ABHD12: variants seen among roughly 807,000 people sequenced by gnomAD.
ABHD12 encodes abhydrolase domain containing 12, lysophospholipase.
ABHD12 carries 43 observed loss-of-function variants against 58.3 expected under a neutral mutation model. The ratio of observed to expected loss-of-function variants is 0.74; its 90% CI spans 0.58 to 0.95. The LOEUF (loss-of-function observed/expected upper bound fraction) is 0.95. Ranked by LOEUF, ABHD12 falls within the 40% of genes least tolerant of loss-of-function variation. The probability of loss-of-function intolerance (pLI) is 0.00; values close to 1 mark genes in which losing one functional copy is unlikely to be tolerated. For missense variants in ABHD12, 539 were observed against 537.2 expected, an observed-to-expected ratio of 1.00 and a Z score of -0.03; for synonymous variants, 219 against 211.2, an observed-to-expected ratio of 1.04 and a Z score of -0.32.
intron 2 of ABHD12, among the ~76,000 whole-genome samples, chr20:25,330,487 C>T (rs2089253681): frequency 6.6e-6 from 1 of 152,250 alleles, no homozygotes; most frequent in Non-Finnish European, 1.5e-5. Flanking sequence ...CTGCCTGCCT[C>T]TGTAGGCTCC....
At position 25,306,827 on chromosome 20, in the gene ABHD12, A is replaced by G; in HGVS notation, c.950+6T>C. ...GGAAAATTAGTTCCTGTCCCATAAT[A>G]CTCACTTTTCATCATTTGCAAATTT... On this transcript the variant is annotated splice_donor_region_variant and intron_variant, in intron 10 of 12. Coordinates refer to ENST00000339157, the MANE Select transcript of ABHD12 (RefSeq NM_001042472.3). 6.4e-7 allele frequency: 1 copy of G among 1,562,952 alleles called. No individual in the cohort carries two copies. Among genetic ancestry groups the G allele is most frequent in the Non-Finnish European group, 8.8e-7 (1 of 1,134,182 alleles).
At chr20:25,366,330 C>T (rs2089820678) in intron 1 of ABHD12, among the ~76,000 whole-genome samples, 1 of 151,780 alleles carries the variant, frequency 6.6e-6, no homozygotes, top group Non-Finnish European at 1.5e-5. Flanking sequence ...GGCTGGAGTG[C>T]AATGGTGTGA....
chr20:25,376,495 C>G (rs985670223), intron 1 of ABHD12, among the ~76,000 whole-genome samples: 1 of 152,164 alleles, frequency 6.6e-6, no homozygotes, highest in Non-Finnish European at 1.5e-5. Flanking sequence ...CAGAACTGAA[C>G]AACTGGGTAT....
intron 10 of ABHD12, among the ~76,000 whole-genome samples, chr20:25,305,348 A>T (rs2088715680): frequency 6.7e-6 from 1 of 150,256 alleles, no homozygotes; most frequent in Non-Finnish European, 1.5e-5. Flanking sequence ...AAATATTTAT[A>T]GGGTGTTTTA....
chr20:25,344,197 G>C (rs775299909), intron 1 of ABHD12, among the ~76,000 whole-genome samples: 2 of 152,070 alleles, frequency 1.3e-5, no homozygotes, highest in Non-Finnish European at 2.9e-5. Flanking sequence ...GCTAAGATTA[G>C]GAACAAAGCA....
chr20:25,390,745 C>CTCCGCCGCG lies in ABHD12; in HGVS notation c.-43_-42insCGCGGCGGA. 1.6e-6 allele frequency: 2 copies of CTCCGCCGCG among 1,246,530 alleles called. No individual in the cohort carries two copies. The highest frequency in any genetic ancestry group is 2.0e-6 in the Non-Finnish European group (2 of 992,974). The allele number at this position is 1,246,530 out of a possible 1,614,324, so 77.2% of individuals were successfully genotyped here. On this transcript the variant is annotated 5_prime_UTR_variant, in exon 1 of 13. Coordinates refer to ENST00000339157, the MANE Select transcript of ABHD12 (RefSeq NM_001042472.3). ...CCAGCCGCCGACGGCGCCCGCTGGC[C>CTCCGCCGCG]TGCGCCGCAGTGCCGCCGCTCACAG...
downstream of ABHD12, among the ~76,000 whole-genome samples, chr20:25,299,764 C>T (rs2145912085): frequency 6.6e-6 from 1 of 152,204 alleles, no homozygotes; most frequent in East Asian, 1.9e-4. Flanking sequence ...GTCTCTGGGG[C>T]CGTGGGTGGG....
rs146803908 is a variant in ABHD12 at position 25,367,349 on chromosome 20, G to A, written c.191+23164C>T. ...CATATTAAGAAAGGGGAAATGGGGGGCAGAGAATTTGCCACATATACTTCA... is the reference window on the plus strand; with the variant it reads ...CATATTAAGAAAGGGGAAATGGGGGACAGAGAATTTGCCACATATACTTCA... On this transcript the variant is annotated intron_variant, in intron 1 of 12. Coordinates refer to ENST00000339157, the MANE Select transcript of ABHD12 (RefSeq NM_001042472.3). Among the ~76,000 whole-genome samples the A allele has an allele frequency of 2.6e-5, 4 of 152,228 alleles. No homozygotes were observed. In the East Asian group the frequency reaches 7.7e-4, roughly 29 times the overall value.
intron 1 of ABHD12, among the ~76,000 whole-genome samples, chr20:25,360,060 G>C (rs193037052): frequency 6.6e-5 from 10 of 151,616 alleles, no homozygotes; most frequent in Admixed American, 4.6e-4. Context: ...CTCTGTCCTT[G>C]AGAGTGGGTA....
chr20:25,343,324 T>C (rs1186693821), intron 1 of ABHD12, among the ~76,000 whole-genome samples: 1 of 152,198 alleles, frequency 6.6e-6, no homozygotes, highest in African/African-American at 2.4e-5. Flanking sequence ...TTCCAAAAGA[T>C]AGAAACAATC....
At chr20:25,338,871 A>G (rs1217848797) in intron 2 of ABHD12, 2 of 1,083,316 alleles carry the variant, frequency 1.8e-6, no homozygotes, top group African/African-American at 1.7e-5. Flanking sequence ...CATGTTGTCA[A>G]CATTTTTACT....
intron 1 of ABHD12, among the ~76,000 whole-genome samples, chr20:25,360,931 TAGA>T (rs1167896770): frequency 1.3e-5 from 2 of 152,170 alleles, no homozygotes; most frequent in African/African-American, 4.8e-5. Context: ...GGGTAAACCA[TAGA>T]AGGTTTGGAC....
At chr20:25,388,845 C>A (rs1331058955) in intron 1 of ABHD12, among the ~76,000 whole-genome samples, 1 of 138,846 alleles carries the variant, frequency 7.2e-6, no homozygotes, top group Non-Finnish European at 1.5e-5. Context: ...CTGGAGTGCA[C>A]TGGTGCGATC....
intron 6 of ABHD12, among the ~76,000 whole-genome samples, chr20:25,310,827 CGGAGAT>C (rs1172680014): frequency 3.9e-5 from 6 of 152,110 alleles, no homozygotes; most frequent in Non-Finnish European, 7.3e-5. Context: ...GAGGGACAGT[CGGAGAT>C]GGAGCTGGCA....
rs930559187 is a variant in ABHD12 at position 25,308,566 on chromosome 20, A to G, written c.750-72T>C. On this transcript the variant is annotated intron_variant, in intron 7 of 12. Coordinates refer to ENST00000339157, the MANE Select transcript of ABHD12 (RefSeq NM_001042472.3). Reference sequence around the variant, plus strand: ...TGAGATGATATGGGCCTTATGCTGGAAAGTGCTCAGAGGAGCCATGGGGTC... The same window carrying G: ...TGAGATGATATGGGCCTTATGCTGGGAAGTGCTCAGAGGAGCCATGGGGTC... 4.5e-5 allele frequency: 69 copies of G among 1,534,600 alleles called. 2 individuals carry two copies. The South Asian group carries it at 5.9e-4, about 13-fold the overall frequency.
chr20:25,323,797 C>A (rs2089125157), intron 2 of ABHD12, among the ~76,000 whole-genome samples: 1 of 152,134 alleles, frequency 6.6e-6, no homozygotes, highest in Admixed American at 6.5e-5. Flanking sequence ...CCCAACAGGT[C>A]TGAAGGATGG....
chr20:25,343,086 C>T (rs917308095), intron 1 of ABHD12, among the ~76,000 whole-genome samples: 5 of 152,220 alleles, frequency 3.3e-5, no homozygotes, highest in African/African-American at 1.2e-4. Context: ...TGAGCCACCA[C>T]ACCTGGCCTA....
intron 1 of ABHD12, among the ~76,000 whole-genome samples, chr20:25,376,969 T>A (rs1256649941): frequency 2.0e-5 from 3 of 151,690 alleles, no homozygotes; most frequent in Non-Finnish European, 2.9e-5. Context: ...AGGAACAGAG[T>A]GAGAGAGAGA....
At chr20:25,386,100 C>CA (rs1206189935) in intron 1 of ABHD12, among the ~76,000 whole-genome samples, 2 of 148,976 alleles carry the variant, frequency 1.3e-5, no homozygotes, top group Non-Finnish European at 3.0e-5. Flanking sequence ...GACTCCGTCT[C>CA]AAAAAAATAA....
Sources: allele counts gnomAD v4.1 joint callset (sites outside exome capture counted in the v4.1 genomes callset), GRCh38; gene constraint gnomAD v4.1.1; transcripts MANE v1.5; gene names NCBI Gene and HGNC (gene_info 2026-07-23, HGNC 2026-07-21).